Variants in GRIK4 observed in about 807,000 individuals in gnomAD.
GRIK4 encodes the protein glutamate ionotropic receptor kainate type subunit 4, also known as glutamate receptor ionotropic, kainate 4.
Under a neutral mutation model 104.9 loss-of-function variants are expected in GRIK4, and 40 were observed. The observed-to-expected ratio is 0.38, with a 90% CI of 0.30 to 0.50. The LOEUF (loss-of-function observed/expected upper bound fraction) is 0.50, where lower values mean the gene tolerates loss of function less well. Ranked by LOEUF, GRIK4 falls within the 20% of genes least tolerant of loss-of-function variation. The pLI, the probability that GRIK4 is intolerant of heterozygous loss-of-function variation, is 0.93. For synonymous variants in GRIK4, 485 were observed against 524.9 expected (o/e 0.92, Z 1.04); for missense variants, 1,047 against 1,308.1 (o/e 0.80, Z 3.08).
intron 8 of GRIK4, among the ~76,000 whole-genome samples, chr11:120,851,029 T>C (rs1055806027): frequency 6.6e-6 from 1 of 152,096 alleles, no homozygotes; most frequent in Non-Finnish European, 1.5e-5. Flanking sequence ...CCCATCCCAC[T>C]GAAGCCTCCA....
intron 1 of GRIK4, among the ~76,000 whole-genome samples, chr11:120,574,436 C>T (rs574266464): frequency 5.3e-5 from 8 of 152,308 alleles, no homozygotes; most frequent in African/African-American, 1.4e-4. Flanking sequence ...TCCTATGAGA[C>T]GGGCACTGTT....
chr11:120,668,236 G>C (rs550330729), intron 3 of GRIK4, among the ~76,000 whole-genome samples: 1 of 150,786 alleles, frequency 6.6e-6, no homozygotes, highest in African/African-American at 2.4e-5. Flanking sequence ...GGCAGACAGA[G>C]AGATAGGTAG....
At chr11:120,828,632 G>T (rs1168103630) in intron 6 of GRIK4, among the ~76,000 whole-genome samples, 1 of 152,186 alleles carries the variant, frequency 6.6e-6, no homozygotes, top group African/African-American at 2.4e-5. Context: ...CCCCAGACTG[G>T]GTTCTTTGTG....
intron 1 of GRIK4, among the ~76,000 whole-genome samples, chr11:120,571,577 C>T (rs571762222): frequency 2.8e-4 from 42 of 152,230 alleles, no homozygotes; most frequent in Middle Eastern, 3.4e-3. Flanking sequence ...GGTGTTCCTC[C>T]TCCCCCAAGC....
intron 3 of GRIK4, among the ~76,000 whole-genome samples, chr11:120,752,172 G>T (rs9667343): frequency 6.6e-6 from 1 of 152,080 alleles, no homozygotes; most frequent in African/African-American, 2.4e-5. Context: ...AGACACTCAG[G>T]GCAACCGGGG....
At chr11:120,878,854 C>G (rs1400641089) in intron 11 of GRIK4, among the ~76,000 whole-genome samples, 2 of 152,196 alleles carry the variant, frequency 1.3e-5, no homozygotes, top group East Asian at 1.9e-4. Context: ...AATTGGGCCT[C>G]TCTTCCAGGT....
intron 1 of GRIK4, among the ~76,000 whole-genome samples, chr11:120,628,530 G>A (rs776858152): frequency 7.9e-5 from 12 of 152,188 alleles, no homozygotes; most frequent in African/African-American, 2.9e-4. Context: ...CTGTGCTCCC[G>A]AGGGCCCTCC....
At position 120,666,355 on chromosome 11, in the gene GRIK4, G is replaced by A. The variant is rs551589284; in HGVS notation, c.82+5955G>A. ...GGACCGATAAGCATCTGAGGACAGC[G>A]TTGGGACAGGGTCCTGAATAGCCTG... On this transcript the variant is annotated intron_variant, in intron 3 of 20. Coordinates refer to ENST00000527524, the MANE Select transcript of GRIK4 (RefSeq NM_014619.5). Among the ~76,000 whole-genome samples, 14 of 152,348 alleles carry A rather than the reference G, an allele frequency of 9.2e-5. No individual in the cohort carries two copies. In the East Asian group the frequency reaches 1.9e-3, roughly 21 times the overall value.
In GRIK4 at chr11:120,851,580, A is replaced by G. The variant is rs139106708; in HGVS notation, c.745-10379A>G. Among the ~76,000 whole-genome samples, 962 of 152,260 alleles carry G rather than the reference A, an allele frequency of 6.3e-3. 3 individuals are homozygous for G. The highest frequency in any genetic ancestry group is 7.6e-3 in the Non-Finnish European group (517 of 68,018). The stretch of plus-strand genomic sequence containing the variant: ...CTTATCATTCTATTTCTAGTGCCCA[A>G]CATGTTGTGTGTTCTCAAGGAGACA... On this transcript the variant is annotated intron_variant, in intron 8 of 20. Transcript: ENST00000527524.
intron 3 of GRIK4, among the ~76,000 whole-genome samples, chr11:120,721,784 AG>A: frequency 6.6e-6 from 1 of 152,142 alleles, no homozygotes. Flanking sequence ...ACCTATCTCT[AG>A]GAACTGGCTA....
At chr11:120,525,097 G>A (rs1020129764) in intron 1 of GRIK4, among the ~76,000 whole-genome samples, 1 of 152,154 alleles carries the variant, frequency 6.6e-6, no homozygotes, top group Non-Finnish European at 1.5e-5. Context: ...GAAGTCTGAG[G>A]CCAACTGTGG....
rs187639724 is a variant in GRIK4, at chr11:120,860,449, G to A, written c.745-1510G>A. Among the ~76,000 whole-genome samples the A allele has an allele frequency of 4.6e-5, 7 of 152,212 alleles. No individual in the cohort carries two copies. In the East Asian group the frequency reaches 1.4e-3, roughly 29 times the overall value. On this transcript the variant is annotated intron_variant, in intron 8 of 20. Coordinates refer to ENST00000527524, the MANE Select transcript of GRIK4 (RefSeq NM_014619.5). ...TGCAGGCTAACACGTGGCCCCACCA[G>A]CGTTATTGCATGAGGACCATGGGTT...
chr11:120,803,083 A>G lies in GRIK4; in HGVS notation c.247+226A>G, dbSNP rs527958743. Among the ~76,000 whole-genome samples, 5 of 152,316 alleles carry G rather than the reference A, an allele frequency of 3.3e-5. No homozygotes were observed. In the South Asian group the frequency reaches 1.0e-3, roughly 32 times the overall value. On this transcript the variant is annotated intron_variant, in intron 4 of 20. Coordinates refer to ENST00000527524, the MANE Select transcript of GRIK4 (RefSeq NM_014619.5). ...GGAGTAGAATTAAGACAGGATACCCATTCATTCATTCATCCACTCATTCAT... is the reference window on the plus strand; with the variant it reads ...GGAGTAGAATTAAGACAGGATACCCGTTCATTCATTCATCCACTCATTCAT...
intron 5 of GRIK4, among the ~76,000 whole-genome samples, chr11:120,815,952 A>G (rs923179641): frequency 3.3e-5 from 5 of 152,224 alleles, no homozygotes; most frequent in African/African-American, 4.8e-5. Context: ...CCTCTGTCAT[A>G]TAAGTTCTCT....
chr11:120,644,170 G>A (rs1949511655), intron 1 of GRIK4, among the ~76,000 whole-genome samples: 1 of 151,944 alleles, frequency 6.6e-6, no homozygotes, highest in Non-Finnish European at 1.5e-5. Context: ...TCAAGGACAA[G>A]GATACTGTAT....
intron 1 of GRIK4, among the ~76,000 whole-genome samples, chr11:120,607,441 G>A (rs1262661536): frequency 6.6e-6 from 1 of 152,192 alleles, no homozygotes; most frequent in Non-Finnish European, 1.5e-5. Flanking sequence ...AAGGGGCTGG[G>A]GCAGGGCCCT....
intron 1 of GRIK4, among the ~76,000 whole-genome samples, chr11:120,550,250 G>A (rs554853234): frequency 3.3e-5 from 5 of 151,170 alleles, no homozygotes; most frequent in African/African-American, 9.8e-5. Flanking sequence ...TGCTGCTGCC[G>A]CAGGGCTGAA....
At chr11:120,520,873 G>A (rs1947790213) in intron 1 of GRIK4, among the ~76,000 whole-genome samples, 1 of 152,168 alleles carries the variant, frequency 6.6e-6, no homozygotes, top group African/African-American at 2.4e-5. Flanking sequence ...ACAGAACAAG[G>A]TCCCTAGCAT....
intron 20 of GRIK4, among the ~76,000 whole-genome samples, chr11:120,985,627 C>CAAAA (rs34882153): frequency 1.5e-4 from 17 of 113,980 alleles, no homozygotes; most frequent in East Asian, 7.8e-4. Flanking sequence ...TGGAAATGTG[C>CAAAA]AAAAAAAAAA....
Sources: gnomAD v4.1 joint callset for allele counts (sites outside exome capture counted in the v4.1 genomes callset) on GRCh38, gnomAD v4.1.1 for gene constraint, MANE v1.5 for transcripts, NCBI Gene and HGNC (gene_info 2026-07-23, HGNC 2026-07-21) for gene names.